RAD50: variants seen among roughly 807,000 people sequenced by gnomAD.
RAD50 encodes the protein RAD50 double strand break repair protein.
A neutral mutation model predicts 168.8 loss-of-function variants in RAD50; 132 were observed. The observed-to-expected ratio is 0.78, with a 90% confidence interval of 0.68 to 0.90. The LOEUF (loss-of-function observed/expected upper bound fraction) is 0.90, where lower values mean the gene tolerates loss of function less well. RAD50 is among the 40% of genes least tolerant of loss of function. RAD50 has a pLI of 0.00. For synonymous variants in RAD50, 525 were observed against 497.4 expected, an observed-to-expected ratio of 1.06 and a Z score of -0.74; for missense variants, 1,347 against 1,534.4, an observed-to-expected ratio of 0.88 and a Z score of 2.04.
chr5:132,617,000 A>T (rs2149853375), intron 20 of RAD50, among the ~76,000 whole-genome samples: 1 of 152,284 alleles, frequency 6.6e-6, no homozygotes, highest in Admixed American at 6.5e-5. Context: ...TATATCAGGG[A>T]AATCAGATTT....
In RAD50 at chr5:132,603,952, A is replaced by G; in HGVS notation, c.2430A>G (p.Ala810=). Residue 810 remains alanine, a synonymous_variant, in exon 15 of 25, where the codon GCA becomes GCG. Transcript: ENST00000378823. ...TTAAAGATGTTGAAAGAAAAATTGC[A>G]CAACAAGCAGCTAAGCTACAAGGAA... The part of the protein sequence containing the change: ...MELKDVERKI[A]QQAAKLQGID... 2 of 1,610,776 alleles carry G rather than the reference A, an allele frequency of 1.2e-6. No homozygotes were observed. Among genetic ancestry groups the G allele is most frequent in the Middle Eastern group, 3.3e-4 (2 of 6,048 alleles).
intron 21 of RAD50, among the ~76,000 whole-genome samples, chr5:132,623,694 T>G (rs1433651074): frequency 6.6e-6 from 1 of 152,182 alleles, no homozygotes. Context: ...ATTACTTACC[T>G]TAGATTTTGG....
chr5:132,581,638 A>G (rs893304571), intron 5 of RAD50, among the ~76,000 whole-genome samples: 2 of 152,196 alleles, frequency 1.3e-5, no homozygotes, highest in African/African-American at 4.8e-5. Flanking sequence ...TACCTTTACA[A>G]GCTTAATCAG....
At chr5:132,570,397 C>T (rs1314360068) in intron 2 of RAD50, among the ~76,000 whole-genome samples, 8 of 152,212 alleles carry the variant, frequency 5.3e-5, no homozygotes, top group African/African-American at 9.7e-5. Context: ...TAATGGATGG[C>T]GGTCTTGTCT....
chr5:132,582,494 G>A (rs898860217), intron 5 of RAD50, among the ~76,000 whole-genome samples: 5 of 152,032 alleles, frequency 3.3e-5, no homozygotes, highest in Non-Finnish European at 7.4e-5. Context: ...AAAAGACTAC[G>A]TCCTTTCAAC....
At chr5:132,610,186 A>G (rs116080851) in intron 19 of RAD50, among the ~76,000 whole-genome samples, 3,137 of 152,242 alleles carry the variant, frequency 0.021, 49 homozygotes, top group Middle Eastern at 0.052. Context: ...TTGTGTATAT[A>G]CCAGCACTTA....
At chr5:132,591,792 TTA>T in intron 10 of RAD50, 83 bp from the exon 11 acceptor site, 1 of 994,688 alleles carries the variant, frequency 1.0e-6, no homozygotes, top group Middle Eastern at 3.3e-4. Flanking sequence ...GCTTAGAACT[TTA>T]GTCAGTCTAG....
intron 5 of RAD50, 79 bp from the exon 6 acceptor site, chr5:132,587,483 G>A (rs1272544785): frequency 2.9e-5 from 45 of 1,570,676 alleles, no homozygotes; most frequent in Non-Finnish European, 3.8e-5. Context: ...GCCTGGACCT[G>A]GAGTATCTTA....
chr5:132,569,592 A>G (rs1339345399), intron 2 of RAD50, among the ~76,000 whole-genome samples: 2 of 152,256 alleles, frequency 1.3e-5, no homozygotes, highest in Non-Finnish European at 2.9e-5. Flanking sequence ...AATATCAGTA[A>G]GTATATGGAA....
chr5:132,624,641 G>A (rs1480162731), intron 21 of RAD50, among the ~76,000 whole-genome samples: 4 of 152,100 alleles, frequency 2.6e-5, no homozygotes, highest in African/African-American at 9.7e-5. Flanking sequence ...GCTTACGCCT[G>A]TAATCCTAGC....
At position 132,557,405 on chromosome 5, in the gene RAD50, C is replaced by T. The variant is rs868228536; in HGVS notation, c.81C>T (p.Phe27=). Residue 27 remains phenylalanine, a synonymous_variant, in exon 1 of 25, where the codon TTC becomes TTT. Coordinates refer to ENST00000378823, the MANE Select transcript of RAD50 (RefSeq NM_005732.4). ...ACAAAGATAAGCAAATTATCACTTT[C>T]TTCAGCCCCCTTACAATTTTGGTTG... ...IEDKDKQIIT[F]FSPLTILVGP... 4 of 1,614,192 alleles carry T rather than the reference C, an allele frequency of 2.5e-6. No individual in the cohort carries two copies. The highest frequency in any genetic ancestry group is 3.3e-4 in the Middle Eastern group (2 of 6,062).
intron 5 of RAD50, among the ~76,000 whole-genome samples, chr5:132,583,180 C>T (rs1484388838): frequency 1.3e-5 from 2 of 152,082 alleles, no homozygotes; most frequent in Non-Finnish European, 2.9e-5. Context: ...TGCAAATGGT[C>T]TCATTAATTG....
At chr5:132,603,879 A>G in intron 14 of RAD50, 41 bp from the exon 15 acceptor site, 1 of 1,495,650 alleles carries the variant, frequency 6.7e-7, no homozygotes, top group Non-Finnish European at 9.3e-7. Flanking sequence ...TGAATAATGC[A>G]GTAAGTTTAT....
chr5:132,583,408 A>G (rs1210310930), intron 5 of RAD50, among the ~76,000 whole-genome samples: 3 of 152,070 alleles, frequency 2.0e-5, no homozygotes, highest in Non-Finnish European at 4.4e-5. Flanking sequence ...GGTAAAATCC[A>G]CCCTTTTTAG....
At position 132,618,295 on chromosome 5, in the gene RAD50, G is replaced by A. The variant is rs762648843; in HGVS notation, c.3389+1G>A. Reference sequence around the variant, plus strand: ...ATATTTATTATAAGACTCTTGACCAGTAAGTATTAGACTGGGGATTTTCTT... The same window carrying A: ...ATATTTATTATAAGACTCTTGACCAATAAGTATTAGACTGGGGATTTTCTT... On this transcript the variant is annotated splice_donor_variant, in intron 21 of 24. Transcript: ENST00000378823. LOFTEE classifies it high-confidence loss of function. 2.5e-6 allele frequency: 4 copies of A among 1,613,924 alleles called. No individual in the cohort carries two copies. The highest frequency in any genetic ancestry group is 3.4e-6 in the Non-Finnish European group (4 of 1,179,918).
intron 23 of RAD50, among the ~76,000 whole-genome samples, chr5:132,639,835 G>A (rs1439060536): frequency 6.6e-6 from 1 of 152,206 alleles, no homozygotes; most frequent in Non-Finnish European, 1.5e-5. Flanking sequence ...ACAGGGCCAA[G>A]CTGTGGCCCT....
intron 2 of RAD50, among the ~76,000 whole-genome samples, chr5:132,565,477 T>C (rs1750191927): frequency 3.3e-5 from 5 of 152,162 alleles, no homozygotes; most frequent in Admixed American, 3.3e-4. Flanking sequence ...GACTCTTCAT[T>C]CTGACTCCCT....
At chr5:132,638,385 T>C (rs1751640583) in intron 23 of RAD50, 162 bp downstream of exon 23, 4 of 812,620 alleles carry the variant, frequency 4.9e-6, no homozygotes, top group Non-Finnish European at 6.0e-6. Flanking sequence ...TACACTCTCC[T>C]GAAGCTAACC....
At chr5:132,634,819 T>G (rs1581018784) in intron 21 of RAD50, among the ~76,000 whole-genome samples, 1 of 152,242 alleles carries the variant, frequency 6.6e-6, no homozygotes, top group Non-Finnish European at 1.5e-5. Context: ...ATTATTTTTT[T>G]CTTTTTAATC....
Sources: gnomAD v4.1 joint callset for allele counts (sites outside exome capture counted in the v4.1 genomes callset) on GRCh38, gnomAD v4.1.1 for gene constraint, MANE v1.5 for transcripts, NCBI Gene and HGNC (gene_info 2026-07-23, HGNC 2026-07-21) for gene names.